WASF3: variants seen among roughly 807,000 people sequenced by gnomAD.
The protein encoded by WASF3 is actin-binding protein WASF3.
WASF3 carries 11 observed loss-of-function variants against 46.6 expected under a neutral mutation model. The ratio of observed to expected loss-of-function variants is 0.24; its 90% CI spans 0.15 to 0.39. The LOEUF is 0.39. Ranked by LOEUF, WASF3 falls within the 10% of genes least tolerant of loss-of-function variation. WASF3 has a pLI of 1.00. For synonymous variants in WASF3, 242 were observed against 259.7 expected (o/e 0.93, Z 0.65); for missense variants, 576 against 669.8 (o/e 0.86, Z 1.55).
intron 1 of WASF3, among the ~76,000 whole-genome samples, chr13:26,605,124 C>T (rs1360139713): frequency 6.6e-6 from 1 of 152,144 alleles, no homozygotes; most frequent in Admixed American, 6.5e-5. Context: ...TCCTCCAGTT[C>T]TCAGTCTGCC....
chr13:26,669,424 T>G (rs554287933), intron 5 of WASF3, among the ~76,000 whole-genome samples: 10 of 152,054 alleles, frequency 6.6e-5, no homozygotes, highest in African/African-American at 2.4e-4. Flanking sequence ...ATTTGGGGTA[T>G]ATAACATATA....
At chr13:26,637,690 G>T (rs1051653767) in intron 2 of WASF3, among the ~76,000 whole-genome samples, 2 of 152,210 alleles carry the variant, frequency 1.3e-5, no homozygotes, top group African/African-American at 4.8e-5. Flanking sequence ...CTGCATTATT[G>T]CCTTGGACAT....
At chr13:26,623,207 T>G (rs141184981) in intron 2 of WASF3, among the ~76,000 whole-genome samples, 30 of 152,338 alleles carry the variant, frequency 2.0e-4, no homozygotes, top group African/African-American at 7.2e-4. Flanking sequence ...TAAGCTGTTT[T>G]CTACAGCCCT....
chr13:26,632,340 C>T lies in WASF3; in HGVS notation c.-10-9921C>T, dbSNP rs1388370896. Among the ~76,000 whole-genome samples, 6 of 152,036 alleles carry T rather than the reference C, an allele frequency of 3.9e-5. No homozygotes were observed. In the East Asian group the frequency reaches 7.7e-4, roughly 20 times the overall value. On this transcript the variant is annotated intron_variant, in intron 2 of 9. Coordinates refer to ENST00000335327, the MANE Select transcript of WASF3 (RefSeq NM_006646.6). ...AAATAGCTCTTATTATTTTGAGGTA[C>T]GTTTCATCAATACCTAGTTTATTGA... is the stretch of plus-strand genomic sequence containing the variant.
At chr13:26,612,395 G>A (rs751754031) in intron 1 of WASF3, among the ~76,000 whole-genome samples, 6 of 152,170 alleles carry the variant, frequency 3.9e-5, no homozygotes, top group Non-Finnish European at 8.8e-5. Context: ...AGTTTGCTCT[G>A]TAGCATTGCT....
At chr13:26,539,243 T>C in the WASF3 span, among the ~76,000 whole-genome samples, 1 of 152,086 alleles carries the variant, frequency 6.6e-6, no homozygotes, top group Non-Finnish European at 1.5e-5. Flanking sequence ...CCAAGGTTAG[T>C]TACTGAGCAT....
At chr13:26,627,429 C>T (rs1231210309) in intron 2 of WASF3, among the ~76,000 whole-genome samples, 1 of 152,130 alleles carries the variant, frequency 6.6e-6, no homozygotes, top group Non-Finnish European at 1.5e-5. Flanking sequence ...GCAACATTGT[C>T]TACCCCATTT....
Position 26,685,870 on chromosome 13 carries a change from T to C in WASF3, c.*25T>C, listed in dbSNP as rs1286752147. ...AGCAAAGGCCGGCGGAGAGGCCGCGTGTGGGAGCGTGTTGAAGATTTTAAG... is the reference window on the plus strand; with the variant it reads ...AGCAAAGGCCGGCGGAGAGGCCGCGCGTGGGAGCGTGTTGAAGATTTTAAG... On this transcript the variant is annotated 3_prime_UTR_variant, in exon 10 of 10. Transcript: ENST00000335327. The C allele has an allele frequency of 6.2e-7, 1 of 1,603,634 alleles. No individual in the cohort carries two copies. Among genetic ancestry groups the C allele is most frequent in the Admixed American group, 1.7e-5 (1 of 59,844 alleles).
intron 2 of WASF3, chr13:26,639,945 T>C (rs4771004): frequency 0.29 from 43,899 of 152,052 alleles, 6,739 homozygotes; most frequent in East Asian, 0.57. Context: ...GCTCTCAGCT[T>C]GGGGGCTGTT....
At chr13:26,678,797 C>A (rs1883140633) in intron 7 of WASF3, among the ~76,000 whole-genome samples, 1 of 152,186 alleles carries the variant, frequency 6.6e-6, no homozygotes, top group Non-Finnish European at 1.5e-5. Context: ...CCCAATTGTC[C>A]TTGTTTTTTC....
chr13:26,622,931 A>G (rs1469845444), intron 2 of WASF3, among the ~76,000 whole-genome samples: 1 of 152,216 alleles, frequency 6.6e-6, no homozygotes, highest in Non-Finnish European at 1.5e-5. Context: ...CATTGCTTCT[A>G]TTTTAAGAAA....
At chr13:26,660,642 G>A (rs946314350) in intron 3 of WASF3, among the ~76,000 whole-genome samples, 3 of 151,946 alleles carry the variant, frequency 2.0e-5, no homozygotes, top group South Asian at 4.2e-4. Context: ...AGGAGCAGGG[G>A]AAGAGGGAGG....
intron 1 of WASF3, among the ~76,000 whole-genome samples, chr13:26,580,966 C>T (rs1343837331): frequency 1.3e-5 from 2 of 148,874 alleles, no homozygotes; most frequent in East Asian, 2.0e-4. Flanking sequence ...GGTCACACTC[C>T]TGTCACCCAA....
intron 7 of WASF3, among the ~76,000 whole-genome samples, chr13:26,677,700 T>C (rs1228408868): frequency 6.6e-6 from 1 of 152,366 alleles, no homozygotes; most frequent in East Asian, 1.9e-4. Flanking sequence ...TAGAGAATTA[T>C]TGGAGCTTTA....
At chr13:26,633,959 AT>A (rs1411538255) in intron 2 of WASF3, among the ~76,000 whole-genome samples, 1 of 152,160 alleles carries the variant, frequency 6.6e-6, no homozygotes, top group Non-Finnish European at 1.5e-5. Context: ...AGAAGAATGT[AT>A]ATTCTGTTGA....
At chr13:26,554,557 A>C (rs1310151580), upstream of WASF3, among the ~76,000 whole-genome samples, 6 of 152,208 alleles carry the variant, frequency 3.9e-5, no homozygotes, top group Admixed American at 3.9e-4. Context: ...TTGCTTAAAA[A>C]ATTTTAAGAA....
rs143409749 is a variant in WASF3 at position 26,647,833 on chromosome 13, CAA to C, written c.133+5433_133+5434del. ...ATAGAAAATTTAGCATAGAAACACA[CAA>C]AAGAGTCAACTTTACAAAATTCCGT... On this transcript the variant is annotated intron_variant, in intron 3 of 9. Coordinates refer to ENST00000335327, the MANE Select transcript of WASF3 (RefSeq NM_006646.6). Among the ~76,000 whole-genome samples the C allele has an allele frequency of 5.5e-3, 833 of 151,928 alleles. 8 individuals are homozygous for C. The highest frequency in any genetic ancestry group is 0.019 in the African/African-American group (793 of 41,446).
intron 3 of WASF3, among the ~76,000 whole-genome samples, chr13:26,661,245 G>A (rs1193175818): frequency 6.6e-6 from 1 of 152,210 alleles, no homozygotes; most frequent in African/African-American, 2.4e-5. Flanking sequence ...TCCTGCAGAA[G>A]CAAAACTCTG....
rs1273471424 is a variant in WASF3 at position 26,682,338 on chromosome 13, A to ATTCTGCCTTTC, written c.984-265_984-255dup. 6.6e-6 allele frequency among the ~76,000 whole-genome samples: 1 copy of ATTCTGCCTTTC among 152,200 alleles called. No individual in the cohort carries two copies. Among genetic ancestry groups the ATTCTGCCTTTC allele is most frequent in the Admixed American group, 6.5e-5 (1 of 15,280 alleles). ...CCTGGCCTCTGCAGTCAGCTGCTTT[A>ATTCTGCCTTTC]TTCTGCCTTTCTTCAGGAAGTGCTG... On this transcript the variant is annotated intron_variant, in intron 8 of 9. Transcript: ENST00000335327. The surrounding 1 kb of genome is among the most constrained non-coding windows in gnomAD (Gnocchi z 4.4).
Sources: allele counts gnomAD v4.1 joint callset (sites outside exome capture counted in the v4.1 genomes callset), GRCh38; gene constraint gnomAD v4.1.1; non-coding constraint Gnocchi (gnomAD v3.1); transcripts MANE v1.5; gene names NCBI Gene and HGNC (gene_info 2026-07-23, HGNC 2026-07-21).